Variants in FGD3 observed in about 807,000 individuals in gnomAD.
The protein encoded by FGD3 is FYVE, RhoGEF and PH domain-containing protein 3.
FGD3 carries 45 observed loss-of-function variants against 71.8 expected under a neutral mutation model. That is an observed-to-expected ratio of 0.63 (90% CI 0.49 to 0.80). The LOEUF is 0.80. Among genes scored for constraint, FGD3 ranks in the 30% least tolerant of loss-of-function variants. The pLI, the probability that FGD3 is intolerant of heterozygous loss-of-function variation, is 0.00. For synonymous variants in FGD3, 378 were observed against 392.8 expected, an observed-to-expected ratio of 0.96 and a Z score of 0.44; for missense variants, 844 against 951.5, an observed-to-expected ratio of 0.89 and a Z score of 1.49.
intron 1 of FGD3, among the ~76,000 whole-genome samples, chr9:92,964,690 T>TC (rs921868859): frequency 2.6e-5 from 4 of 152,172 alleles, no homozygotes; most frequent in African/African-American, 7.2e-5. Context: ...CCTGCCCGTG[T>TC]CCCCATCGAA....
chr9:93,014,213 G>A (rs1861563953), intron 9 of FGD3, among the ~76,000 whole-genome samples: 1 of 152,110 alleles, frequency 6.6e-6, no homozygotes, highest in Admixed American at 6.5e-5. Flanking sequence ...TTTGCCAGTG[G>A]CTCTTCCCCA....
intron 14 of FGD3, among the ~76,000 whole-genome samples, chr9:93,022,590 G>A (rs1409924054): frequency 6.6e-6 from 1 of 152,156 alleles, no homozygotes; most frequent in Non-Finnish European, 1.5e-5. Context: ...TCCAGGCACT[G>A]ATGAATTGTG....
At chr9:93,032,215 C>T (rs999856683) in intron 15 of FGD3, among the ~76,000 whole-genome samples, 4 of 152,174 alleles carry the variant, frequency 2.6e-5, no homozygotes, top group African/African-American at 7.2e-5. Flanking sequence ...GTACATACCC[C>T]GAGTGGAACT....
At chr9:92,982,513 G>T (rs1002816461) in intron 3 of FGD3, among the ~76,000 whole-genome samples, 2 of 152,016 alleles carry the variant, frequency 1.3e-5, no homozygotes, top group African/African-American at 4.8e-5. Flanking sequence ...TCGTGTGATT[G>T]CTGGATCATA....
chr9:93,008,334 C>T (rs147791766), intron 6 of FGD3, among the ~76,000 whole-genome samples: 177 of 152,310 alleles, frequency 1.2e-3, no homozygotes, highest in Admixed American at 2.9e-3. Context: ...CAGATGTCAC[C>T]GATTGTCCCA....
At chr9:93,004,430 C>T (rs1450977341) in intron 5 of FGD3, among the ~76,000 whole-genome samples, 3 of 152,232 alleles carry the variant, frequency 2.0e-5, no homozygotes, top group Non-Finnish European at 2.9e-5. Context: ...CATCTGGAAA[C>T]ACCACACAGT....
In FGD3 at chr9:92,976,439, C is replaced by T; in HGVS notation, c.183C>T (p.Pro61=). The change falls in exon 3 of 18, where the codon CCC becomes CCT. Residue 61 remains proline, a synonymous_variant. Transcript: ENST00000375482. The part of the protein sequence containing the change: ...AAGDGSPDIG[P]TGELSGSLKI... ...GGGACGGCTCTCCAGACATAGGCCC[C>T]ACGGGAGAGCTGAGTGGTAGCTTAA... 1.2e-6 allele frequency: 2 copies of T among 1,611,862 alleles called. No individual in the cohort carries two copies. The highest frequency in any genetic ancestry group is 1.1e-5 in the South Asian group (1 of 90,678).
chr9:93,011,027 G>T (rs1056985509), intron 7 of FGD3, among the ~76,000 whole-genome samples, 187 bp from the exon 8 acceptor site: 2 of 152,102 alleles, frequency 1.3e-5, no homozygotes, highest in Admixed American at 1.3e-4. Context: ...GAAGGGATGT[G>T]TCTGCAGGGT....
chr9:92,956,252 T>C (rs959900242), intron 1 of FGD3, among the ~76,000 whole-genome samples: 3 of 152,228 alleles, frequency 2.0e-5, no homozygotes, highest in African/African-American at 7.2e-5. Context: ...GTTCTTGTTT[T>C]ATTGCACTGG....
In FGD3 at chr9:93,032,788, C is replaced by G; in HGVS notation, c.1700C>G (p.Ser567Cys). 1.9e-6 allele frequency: 3 copies of G among 1,614,236 alleles called. No homozygotes were observed. Among genetic ancestry groups the G allele is most frequent in the South Asian group, 1.1e-5 (1 of 91,086 alleles). The change falls in exon 16 of 18, where the codon TCC becomes TGC. Residue 567 changes from serine (S) to cysteine (C), a missense_variant. Physicochemically the swap from Ser to Cys is moderately radical, Grantham distance 112. Transcript: ENST00000375482. ...LCGAVICGKC[S>C]EFKAENSRQS... ...TGGCAGGTCATCTGTGGGAAGTGCT[C>G]CGAGTTCAAGGCCGAGAACAGCCGG...
At chr9:93,006,233 C>A in intron 6 of FGD3, 53 bp downstream of exon 6, 1 of 1,447,778 alleles carries the variant, frequency 6.9e-7, no homozygotes, top group South Asian at 1.6e-5. Flanking sequence ...TGCACAGAGC[C>A]TGGTGTTTTA....
intron 6 of FGD3, among the ~76,000 whole-genome samples, chr9:93,006,939 G>C (rs944581237): frequency 6.6e-6 from 1 of 151,708 alleles, no homozygotes; most frequent in Admixed American, 6.6e-5. Flanking sequence ...GTGTTAGCCA[G>C]GATGGTCTCG....
At chr9:92,956,674 G>A (rs540856229) in intron 1 of FGD3, among the ~76,000 whole-genome samples, 14 of 152,256 alleles carry the variant, frequency 9.2e-5, no homozygotes, top group African/African-American at 3.1e-4. Context: ...CACCTAGCCA[G>A]TGGGACTTTG....
chr9:92,962,901 C>A (rs1859196801), intron 1 of FGD3, among the ~76,000 whole-genome samples: 2 of 148,040 alleles, frequency 1.4e-5, no homozygotes, highest in Non-Finnish European at 3.0e-5. Context: ...CTTTGCGCCA[C>A]TGCACTCCAG....
intron 1 of FGD3, among the ~76,000 whole-genome samples, chr9:92,955,119 G>A (rs955303814): frequency 6.6e-6 from 1 of 152,188 alleles, no homozygotes; most frequent in African/African-American, 2.4e-5. Flanking sequence ...CCCAATCATT[G>A]TAGAGGCCAG....
Position 93,010,402 on chromosome 9 carries a change from G to A in FGD3, c.976+18G>A, listed in dbSNP as rs780906812. On this transcript the variant is annotated intron_variant, in intron 7 of 17. Transcript: ENST00000375482. ...TGCGGAGAGTGAGCTGGGGCCAAGG[G>A]CTCCCAGGAGGGTGCAGGGGCACCT... 5.0e-6 allele frequency: 8 copies of A among 1,596,204 alleles called. No individual in the cohort carries two copies. The South Asian group carries it at 6.7e-5, about 13-fold the overall frequency.
In FGD3 at chr9:92,969,416, T is replaced by C. The variant is rs1159712140; in HGVS notation, c.-217-5822T>C. Among the ~76,000 whole-genome samples the C allele has an allele frequency of 6.6e-6, 1 of 152,200 alleles. No homozygotes were observed. Among genetic ancestry groups the C allele is most frequent in the Non-Finnish European group, 1.5e-5 (1 of 68,008 alleles). On this transcript the variant is annotated intron_variant, in intron 1 of 17. Transcript: ENST00000375482. The surrounding 1 kb of genome is among the most constrained non-coding windows in gnomAD (Gnocchi z 4.5). ...CCCTCTCTAGTTACAGCGAGTCTCT[T>C]AGGGGCTCTGTATTTAGGGGAGGGA... is the stretch of plus-strand genomic sequence containing the variant.
chr9:93,010,618 G>A (rs1035693425), intron 7 of FGD3, among the ~76,000 whole-genome samples: 7 of 140,020 alleles, frequency 5.0e-5, no homozygotes, highest in Non-Finnish European at 7.8e-5. Flanking sequence ...AAACAGAGGG[G>A]AGGAGAGAGA....
intron 8 of FGD3, among the ~76,000 whole-genome samples, chr9:93,012,545 A>G (rs1861454266): frequency 6.6e-6 from 1 of 152,088 alleles, no homozygotes; most frequent in Non-Finnish European, 1.5e-5. Flanking sequence ...AGCACTTTGG[A>G]AGGCCGAGGT....
Sources: allele counts gnomAD v4.1 joint callset (sites outside exome capture counted in the v4.1 genomes callset), GRCh38; gene constraint gnomAD v4.1.1; non-coding constraint Gnocchi (gnomAD v3.1); transcripts MANE v1.5; gene names NCBI Gene and HGNC (gene_info 2026-07-23, HGNC 2026-07-21).